Variants in ARID3B observed in about 807,000 individuals in gnomAD.
The protein encoded by ARID3B is AT-rich interactive domain-containing protein 3B.
A neutral mutation model predicts 51.9 loss-of-function variants in ARID3B; 10 were observed. The ratio of observed to expected loss-of-function variants is 0.19; its 90% CI spans 0.12 to 0.33. The LOEUF (loss-of-function observed/expected upper bound fraction) is 0.33, where lower values mean the gene tolerates loss of function less well. Among genes scored for constraint, ARID3B ranks in the 10% least tolerant of loss-of-function variants. ARID3B has a pLI of 1.00. For missense variants in ARID3B, 483 were observed against 716.3 expected, an observed-to-expected ratio of 0.67 and a Z score of 3.72; for synonymous variants, 205 against 279.5, an observed-to-expected ratio of 0.73 and a Z score of 2.66.
At chr15:74,572,545 C>T (rs1382263776) in intron 2 of ARID3B, among the ~76,000 whole-genome samples, 1 of 152,196 alleles carries the variant, frequency 6.6e-6, no homozygotes, top group Non-Finnish European at 1.5e-5. Context: ...TTCTAAGCAA[C>T]GTGGGCCTTT....
rs1567127291 is a variant in ARID3B, at chr15:74,591,366, G to C, written c.1097G>C (p.Gly366Ala). The change falls in exon 6 of 9, where the codon GGG becomes GCG. Residue 366 changes from glycine (G) to alanine (A), a missense_variant. By Grantham distance (60) the Gly-to-Ala change is moderately conservative (BLOSUM62 0). This residue lies in a region of ARID3B where 265 missense variants were observed against 354.4 expected (regional missense o/e 0.75). Transcript: ENST00000346246. The surrounding 1 kb of genome is among the most constrained non-coding windows in gnomAD (Gnocchi z 5.8). ...SPPKIRFPIL[G>A]LGSSSGTNTS... ...CCCAAGATCCGCTTTCCCATCCTTG[G>C]GCTTGGCTCCAGCAGTGGTACCAAT... The C allele has an allele frequency of 1.2e-6, 2 of 1,614,092 alleles. No homozygotes were observed. The highest frequency in any genetic ancestry group is 1.7e-6 in the Non-Finnish European group (2 of 1,179,982).
At chr15:74,578,767 G>A (rs1262238697) in intron 4 of ARID3B, among the ~76,000 whole-genome samples, 2 of 152,058 alleles carry the variant, frequency 1.3e-5, no homozygotes, top group South Asian at 2.1e-4. Flanking sequence ...GGTGGCATGC[G>A]CCTGTGGTCT....
At chr15:74,587,477 C>G (rs2061785755) in intron 4 of ARID3B, among the ~76,000 whole-genome samples, 1 of 152,086 alleles carries the variant, frequency 6.6e-6, no homozygotes, top group African/African-American at 2.4e-5. Flanking sequence ...GGAAAGGGAG[C>G]TAGTTTAGGG....
At chr15:74,541,621 G>T (rs1258411560) in intron 1 of ARID3B, among the ~76,000 whole-genome samples, 2 of 151,974 alleles carry the variant, frequency 1.3e-5, no homozygotes, top group Admixed American at 6.6e-5. Context: ...AGAGCCAGCG[G>T]ATTGGCTGGG....
At chr15:74,551,886 C>T (rs948229407) in intron 2 of ARID3B, among the ~76,000 whole-genome samples, 2 of 152,016 alleles carry the variant, frequency 1.3e-5, no homozygotes, top group Non-Finnish European at 2.9e-5. Flanking sequence ...CTGTTTCTTC[C>T]ATGTCCCTGA....
chr15:74,572,430 A>G (rs1324117320), intron 2 of ARID3B, among the ~76,000 whole-genome samples: 1 of 152,172 alleles, frequency 6.6e-6, no homozygotes, highest in African/African-American at 2.4e-5. Context: ...GACCCTTATC[A>G]CTTACAGTGT....
At chr15:74,586,371 C>G (rs1160030718) in intron 4 of ARID3B, among the ~76,000 whole-genome samples, 2 of 152,204 alleles carry the variant, frequency 1.3e-5, no homozygotes, top group Non-Finnish European at 2.9e-5. Flanking sequence ...TTCCCCTGGC[C>G]CTAAGCAGTT....
At position 74,586,041 on chromosome 15, in the gene ARID3B, C is replaced by A. The variant is rs149944530; in HGVS notation, c.698-3779C>A. On this transcript the variant is annotated intron_variant, in intron 4 of 8. Transcript: ENST00000346246. ...AGCCACAGGGAATAATGCGCCCAATCTCCTTATCAGCTTGATCTCCAGAAC... is the reference window on the plus strand; with the variant it reads ...AGCCACAGGGAATAATGCGCCCAATATCCTTATCAGCTTGATCTCCAGAAC... 3.9e-5 allele frequency among the ~76,000 whole-genome samples: 6 copies of A among 152,368 alleles called. No individual in the cohort carries two copies. In the East Asian group the frequency reaches 9.6e-4, roughly 24 times the overall value.
At chr15:74,566,602 CA>C (rs75577936) in intron 2 of ARID3B, among the ~76,000 whole-genome samples, 4,325 of 93,884 alleles carry the variant, frequency 0.046, 165 homozygotes, top group African/African-American at 0.14. Context: ...GACTCTGTCT[CA>C]AAAAAAAAAA....
chr15:74,587,380 G>A (rs1356220711), intron 4 of ARID3B, among the ~76,000 whole-genome samples: 1 of 152,222 alleles, frequency 6.6e-6, no homozygotes, highest in East Asian at 1.9e-4. Context: ...GATAGGGAGA[G>A]GAGAGGAGCC....
chr15:74,577,901 C>T (rs1164183383), intron 4 of ARID3B, among the ~76,000 whole-genome samples: 1 of 152,080 alleles, frequency 6.6e-6, no homozygotes, highest in African/African-American at 2.4e-5. Context: ...GACAGAGTCC[C>T]AGTCTGGAGT....
At chr15:74,593,072 T>C in intron 7 of ARID3B, 66 bp from the exon 8 acceptor site, 2 of 1,457,538 alleles carry the variant, frequency 1.4e-6, no homozygotes, top group South Asian at 1.2e-5. Flanking sequence ...CCAGGCAGCA[T>C]CAGAGAGGAC....
rs983238513 is a variant in ARID3B at position 74,541,309 on chromosome 15, A to G, written c.-99A>G. 2 of 145,732 alleles carry G rather than the reference A, an allele frequency of 1.4e-5. No homozygotes were observed. Among genetic ancestry groups the G allele is most frequent in the African/African-American group, 5.0e-5 (2 of 39,998 alleles). 9.0% of individuals were successfully genotyped at this position (145,732 alleles called of 1,614,324 possible). On this transcript the variant is annotated 5_prime_UTR_variant, in exon 1 of 9. Coordinates refer to ENST00000346246, the MANE Select transcript of ARID3B (RefSeq NM_006465.4). ...AGCTGCCGCCTCCTCCGCCGCCCGAAAACCCGGAGTGCCCCGCACAGGTAA... is the reference window on the plus strand; with the variant it reads ...AGCTGCCGCCTCCTCCGCCGCCCGAGAACCCGGAGTGCCCCGCACAGGTAA...
chr15:74,561,884 A>G (rs967534569), intron 2 of ARID3B, among the ~76,000 whole-genome samples: 4 of 152,130 alleles, frequency 2.6e-5, no homozygotes, highest in Admixed American at 2.6e-4. Context: ...CTTCCATTGT[A>G]GTATTCAGTA....
Position 74,565,000 on chromosome 15 carries a change from G to A in ARID3B, c.553-7862G>A, listed in dbSNP as rs530896705. The stretch of plus-strand genomic sequence containing the variant: ...ATTCATAATCTATTTGATTTATAGA[G>A]AATAGACACATTACTGTTCTGTGTC... On this transcript the variant is annotated intron_variant, in intron 2 of 8. Transcript: ENST00000346246. Among the ~76,000 whole-genome samples the A allele has an allele frequency of 2.0e-5, 3 of 151,556 alleles. No individual in the cohort carries two copies. The South Asian group carries it at 6.2e-4, about 32-fold the overall frequency.
chr15:74,579,743 C>T (rs945470918), intron 4 of ARID3B, among the ~76,000 whole-genome samples: 1 of 152,120 alleles, frequency 6.6e-6, no homozygotes, highest in African/African-American at 2.4e-5. Flanking sequence ...GATTGTCCCC[C>T]ACCACCCTAT....
At chr15:74,589,776 T>A (rs2061796495) in intron 4 of ARID3B, 44 bp from the exon 5 acceptor site, 2 of 1,557,460 alleles carry the variant, frequency 1.3e-6, no homozygotes. Context: ...CTTCTCAGCC[T>A]GATGATGATC....
At position 74,544,498 on chromosome 15, in the gene ARID3B, T is replaced by TCTGGTATTGTAGGTCATTTGGTCTTC; in HGVS notation, c.552+14_552+39dup. On this transcript the variant is annotated intron_variant, in intron 2 of 8. Coordinates refer to ENST00000346246, the MANE Select transcript of ARID3B (RefSeq NM_006465.4). Reference sequence around the variant, plus strand: ...TGAGCAGCTCAAGCAGGTCAGTCTTTCTGGTATTGTAGGTCATTTGGTCTT... The same window carrying TCTGGTATTGTAGGTCATTTGGTCTTC: ...TGAGCAGCTCAAGCAGGTCAGTCTTTCTGGTATTGTAGGTCATTTGGTCTTCCTGGTATTGTAGGTCATTTGGTCTT... 3.1e-6 allele frequency: 5 copies of TCTGGTATTGTAGGTCATTTGGTCTTC among 1,608,666 alleles called. No individual in the cohort carries two copies. Among genetic ancestry groups the TCTGGTATTGTAGGTCATTTGGTCTTC allele is most frequent in the Non-Finnish European group, 4.2e-6 (5 of 1,177,058 alleles).
chr15:74,593,986 T>G (rs2061813772), intron 8 of ARID3B, among the ~76,000 whole-genome samples: 1 of 151,426 alleles, frequency 6.6e-6, no homozygotes, highest in Non-Finnish European at 1.5e-5. Flanking sequence ...GAGGCTGCAG[T>G]AAGCCGTGAT....
Sources: gnomAD v4.1 joint callset for allele counts (sites outside exome capture counted in the v4.1 genomes callset) on GRCh38, gnomAD v4.1.1 for gene constraint, gnomAD v4.1.1 regional missense constraint, Gnocchi (gnomAD v3.1) non-coding constraint, MANE v1.5 for transcripts, NCBI Gene and HGNC (gene_info 2026-07-23, HGNC 2026-07-21) for gene names.